Variants in LUZP2 observed in about 807,000 individuals in gnomAD.
LUZP2 encodes the protein leucine zipper protein 2.
Under a neutral mutation model 51.6 loss-of-function variants are expected in LUZP2, and 52 were observed. The ratio of observed to expected loss-of-function variants is 1.01; its 90% CI spans 0.81 to 1.27. LUZP2 has a LOEUF of 1.27. LUZP2 is among the 50% of genes most tolerant of loss of function. The pLI, the probability that LUZP2 is intolerant of heterozygous loss-of-function variation, is 0.00. For missense variants in LUZP2, 436 were observed against 395.4 expected (o/e 1.10, Z -0.87); for synonymous variants, 154 against 137.3 (o/e 1.12, Z -0.85).
At chr11:24,785,753 A>G (rs776090664) in intron 5 of LUZP2, 1 of 457,244 alleles carries the variant, frequency 2.2e-6, no homozygotes, top group Non-Finnish European at 2.9e-6. Flanking sequence ...GTGCTATTAT[A>G]TAAACTGTTA....
chr11:24,699,261 C>T (rs775828194), intron 1 of LUZP2, among the ~76,000 whole-genome samples: 34 of 152,078 alleles, frequency 2.2e-4, no homozygotes, highest in Non-Finnish European at 4.0e-4. Context: ...TATGTTTGTT[C>T]TTGCTTCAAT....
At chr11:24,841,500 T>C (rs757362386) in intron 5 of LUZP2, among the ~76,000 whole-genome samples, 12 of 151,968 alleles carry the variant, frequency 7.9e-5, no homozygotes, top group Non-Finnish European at 1.6e-4. Context: ...AAAGGTAAAG[T>C]GGTAGCAGGT....
intron 4 of LUZP2, among the ~76,000 whole-genome samples, chr11:24,762,323 A>G (rs1860011487): frequency 6.6e-6 from 1 of 152,164 alleles, no homozygotes; most frequent in Non-Finnish European, 1.5e-5. Context: ...GACTAATCCA[A>G]ACTGAGATGT....
intron 1 of LUZP2, among the ~76,000 whole-genome samples, chr11:24,677,732 C>T (rs1856608799): frequency 6.6e-6 from 1 of 152,038 alleles, no homozygotes; most frequent in East Asian, 1.9e-4. Context: ...ATCTTTGTCT[C>T]TATCTAAAGA....
intron 1 of LUZP2, among the ~76,000 whole-genome samples, chr11:24,535,125 T>A (rs1036186149): frequency 1.6e-5 from 2 of 125,078 alleles, no homozygotes; most frequent in Non-Finnish European, 3.5e-5. Flanking sequence ...AATTAAAAAA[T>A]ACTTCATTGC....
chr11:24,654,077 G>A (rs1327781523), intron 1 of LUZP2, among the ~76,000 whole-genome samples: 2 of 152,104 alleles, frequency 1.3e-5, no homozygotes, highest in Admixed American at 6.5e-5. Flanking sequence ...TAGTAATTAC[G>A]TGTCGTTGAG....
chr11:24,789,808 T>A (rs1234645476), intron 5 of LUZP2, among the ~76,000 whole-genome samples: 4 of 152,204 alleles, frequency 2.6e-5, no homozygotes, highest in African/African-American at 9.6e-5. Flanking sequence ...GCTTCTTGTA[T>A]AAGGGCACTA....
intron 5 of LUZP2, among the ~76,000 whole-genome samples, chr11:24,829,426 A>G (rs1197593436): frequency 6.6e-6 from 1 of 152,154 alleles, no homozygotes. Flanking sequence ...TAAACACAGA[A>G]CTTTAATTTT....
At chr11:24,948,828 T>TATC (rs1324613972) in intron 7 of LUZP2, among the ~76,000 whole-genome samples, 1 of 5,808 alleles carries the variant, frequency 1.7e-4, no homozygotes, top group Admixed American at 2.6e-3. Flanking sequence ...ATCTATCATC[T>TATC]ATCTATCTAT....
chr11:24,869,632 T>C (rs1233764854), intron 5 of LUZP2, among the ~76,000 whole-genome samples: 1 of 152,094 alleles, frequency 6.6e-6, no homozygotes, highest in African/African-American at 2.4e-5. Flanking sequence ...CATACTGATC[T>C]GTGCTTAGTG....
intron 1 of LUZP2, among the ~76,000 whole-genome samples, chr11:24,540,339 G>C (rs921284138): frequency 2.0e-5 from 3 of 152,060 alleles, no homozygotes; most frequent in Non-Finnish European, 4.4e-5. Context: ...ATTTGGAGAT[G>C]GGGCCTTTGG....
chr11:25,014,303 T>A (rs564022797), intron 9 of LUZP2, among the ~76,000 whole-genome samples: 1 of 152,350 alleles, frequency 6.6e-6, no homozygotes, highest in Non-Finnish European at 1.5e-5. Flanking sequence ...TTTCTAGTTC[T>A]AGATCCCTGA....
chr11:25,073,645 C>T (rs932508694), intron 10 of LUZP2, among the ~76,000 whole-genome samples: 4 of 152,026 alleles, frequency 2.6e-5, no homozygotes, highest in East Asian at 3.9e-4. Flanking sequence ...TCGTAAGAAA[C>T]GTTTTTGCAG....
At chr11:24,767,656 A>T (rs1369593661) in intron 5 of LUZP2, among the ~76,000 whole-genome samples, 2 of 152,166 alleles carry the variant, frequency 1.3e-5, no homozygotes, top group Non-Finnish European at 2.9e-5. Context: ...CGATAACGTC[A>T]CTTACAAAGC....
At chr11:24,959,536 T>G (rs1486937335) in intron 7 of LUZP2, among the ~76,000 whole-genome samples, 1 of 152,186 alleles carries the variant, frequency 6.6e-6, no homozygotes, top group Non-Finnish European at 1.5e-5. Context: ...GGGAGTTCAC[T>G]CATGATTTGG....
chr11:25,080,417 A>T lies in LUZP2; in HGVS notation c.*1759A>T, dbSNP rs1016458584. The T allele has an allele frequency of 6.6e-6, 1 of 152,022 alleles. No homozygotes were observed. Among genetic ancestry groups the T allele is most frequent in the African/African-American group, 2.4e-5 (1 of 41,396 alleles). The allele number at this position is 152,022 out of a possible 1,614,324, so 9.4% of individuals were successfully genotyped here. Reference sequence around the variant, plus strand: ...AATGTTTTCAACCTTTGACTTCTTTATCTGTATGTAATCCTATTGTTAAAT... The same window carrying T: ...AATGTTTTCAACCTTTGACTTCTTTTTCTGTATGTAATCCTATTGTTAAAT... On this transcript the variant is annotated 3_prime_UTR_variant, in exon 12 of 12. Coordinates refer to ENST00000336930, the MANE Select transcript of LUZP2 (RefSeq NM_001009909.4).
chr11:24,558,980 G>A (rs1480485201), intron 1 of LUZP2, among the ~76,000 whole-genome samples: 3 of 152,002 alleles, frequency 2.0e-5, no homozygotes, highest in Admixed American at 6.6e-5. Flanking sequence ...GGACTGAGAC[G>A]GTTTCTATCT....
chr11:24,786,149 A>T, intron 5 of LUZP2: 1 of 985,150 alleles, frequency 1.0e-6, no homozygotes, highest in Non-Finnish European at 1.2e-6. Context: ...AAGGCGTTGT[A>T]AAATATATGT....
chr11:24,665,794 G>C (rs562566966), intron 1 of LUZP2, among the ~76,000 whole-genome samples: 1 of 152,086 alleles, frequency 6.6e-6, no homozygotes, highest in South Asian at 2.1e-4. Flanking sequence ...ACACCACGTG[G>C]GACTGTGAGT....
Sources: gnomAD v4.1 joint callset for allele counts (sites outside exome capture counted in the v4.1 genomes callset) on GRCh38, gnomAD v4.1.1 for gene constraint, MANE v1.5 for transcripts, NCBI Gene and HGNC (gene_info 2026-07-23, HGNC 2026-07-21) for gene names.